MYO16: variants seen among roughly 807,000 people sequenced by gnomAD.
MYO16 encodes unconventional myosin-XVI.
MYO16 carries 94 observed loss-of-function variants against 205.3 expected under a neutral mutation model. The ratio of observed to expected loss-of-function variants is 0.46; its 90% CI spans 0.39 to 0.54. MYO16 has a LOEUF of 0.54. MYO16 is among the 20% of genes least tolerant of loss of function. MYO16 has a pLI of 0.00. For missense variants in MYO16, 2,315 were observed against 2,387.5 expected, an observed-to-expected ratio of 0.97 and a Z score of 0.63; for synonymous variants, 988 against 954.0, an observed-to-expected ratio of 1.04 and a Z score of -0.66.
At chr13:109,021,581 TGTGG>T (rs1886023468) in intron 23 of MYO16, among the ~76,000 whole-genome samples, 1 of 152,198 alleles carries the variant, frequency 6.6e-6, no homozygotes, top group Admixed American at 6.5e-5. Context: ...TGCAAGGATA[TGTGG>T]AAGGCAGGCT....
chr13:108,949,684 T>G (rs755628021), intron 16 of MYO16, among the ~76,000 whole-genome samples: 1 of 152,144 alleles, frequency 6.6e-6, no homozygotes. Context: ...CTAAAATTTG[T>G]ATGTAAAGGC....
intron 22 of MYO16, among the ~76,000 whole-genome samples, chr13:109,013,640 T>A (rs1279107472): frequency 6.6e-6 from 1 of 152,194 alleles, no homozygotes; most frequent in African/African-American, 2.4e-5. Flanking sequence ...GTTTCCTGAC[T>A]TTTTAATGAT....
At chr13:108,573,391 G>T in the MYO16 span, among the ~76,000 whole-genome samples, 1 of 152,108 alleles carries the variant, frequency 6.6e-6, no homozygotes, top group Admixed American at 6.6e-5. Flanking sequence ...AAAAATGTAG[G>T]ACTTTTAAAA....
chr13:109,081,888 T>C (rs1331358295), intron 27 of MYO16, among the ~76,000 whole-genome samples: 2 of 152,218 alleles, frequency 1.3e-5, no homozygotes, highest in African/African-American at 2.4e-5. Context: ...TTAAGCTAGA[T>C]CAGGGGTTGG....
intron 9 of MYO16, among the ~76,000 whole-genome samples, chr13:108,838,696 C>T (rs865858188): frequency 1.9e-4 from 27 of 145,040 alleles, no homozygotes; most frequent in South Asian, 4.4e-4. Flanking sequence ...TATATACACA[C>T]ACACACACAC....
chr13:108,553,005 CTTTTTTTTTTTT>C, the MYO16 span, among the ~76,000 whole-genome samples: 39 of 64,908 alleles, frequency 6.0e-4, no homozygotes, highest in African/African-American at 1.8e-3. Flanking sequence ...CTTTAATACT[CTTTTTTTTTTTT>C]TTTTTTTTTT....
chr13:108,586,369 C>A, the MYO16 span, among the ~76,000 whole-genome samples: 1 of 151,798 alleles, frequency 6.6e-6, no homozygotes, highest in East Asian at 1.9e-4. Flanking sequence ...TTTTTCAGAA[C>A]CTTCCCTCAT....
Position 108,921,722 on chromosome 13 carries a change from T to C in MYO16, c.1925+11572T>C, listed in dbSNP as rs1197248206. On this transcript the variant is annotated intron_variant, in intron 16 of 34. Transcript: ENST00000457511. Reference sequence around the variant, plus strand: ...CAATTTGTGAGTATTCATTGATAACTATGCTTGAACTGTTAAAAGCAGCAG... The same window carrying C: ...CAATTTGTGAGTATTCATTGATAACCATGCTTGAACTGTTAAAAGCAGCAG... 5.3e-5 allele frequency among the ~76,000 whole-genome samples: 8 copies of C among 152,346 alleles called. No individual in the cohort carries two copies. In the East Asian group the frequency reaches 9.6e-4, roughly 18 times the overall value.
chr13:108,966,290 A>G (rs1272764084), intron 20 of MYO16, among the ~76,000 whole-genome samples: 1 of 152,232 alleles, frequency 6.6e-6, no homozygotes, highest in Non-Finnish European at 1.5e-5. Flanking sequence ...AAATCTACCA[A>G]ATTAGCTATG....
intron 27 of MYO16, among the ~76,000 whole-genome samples, chr13:109,082,655 C>A (rs1888316334): frequency 6.6e-6 from 1 of 152,006 alleles, no homozygotes; most frequent in South Asian, 2.1e-4. Flanking sequence ...GCCAACATGG[C>A]AAAACCCCGT....
chr13:109,120,583 G>A (rs1231545796), intron 29 of MYO16, 117 bp downstream of exon 29: 8 of 618,750 alleles, frequency 1.3e-5, no homozygotes, highest in East Asian at 6.2e-5. Context: ...CCACTCTCTC[G>A]ATTCCTGGAT....
At chr13:108,505,085 T>C in the MYO16 span, among the ~76,000 whole-genome samples, 2 of 152,376 alleles carry the variant, frequency 1.3e-5, no homozygotes, top group Admixed American at 1.3e-4. Flanking sequence ...TGCTTTCATC[T>C]TGGCTTTTGT....
chr13:108,945,451 CAAT>C (rs1475416645), intron 16 of MYO16, among the ~76,000 whole-genome samples: 1 of 152,098 alleles, frequency 6.6e-6, no homozygotes, highest in East Asian at 1.9e-4. Flanking sequence ...GTAATCACAA[CAAT>C]GGTTCTGAAA....
At chr13:108,932,931 C>T (rs1882323471) in intron 16 of MYO16, among the ~76,000 whole-genome samples, 1 of 152,124 alleles carries the variant, frequency 6.6e-6, no homozygotes, top group African/African-American at 2.4e-5. Context: ...TCCTTTTGAG[C>T]TGACAATATC....
At chr13:109,161,585 G>A (rs1442892256) in intron 32 of MYO16, among the ~76,000 whole-genome samples, 1 of 152,154 alleles carries the variant, frequency 6.6e-6, no homozygotes, top group African/African-American at 2.4e-5. Flanking sequence ...GGTAACTATT[G>A]TAAGAGCAAT....
At chr13:108,835,273 T>G (rs1484167173) in intron 9 of MYO16, among the ~76,000 whole-genome samples, 1 of 152,142 alleles carries the variant, frequency 6.6e-6, no homozygotes, top group Non-Finnish European at 1.5e-5. Flanking sequence ...TCTCACAAGA[T>G]CTGATGGTTT....
At chr13:108,861,965 T>G (rs1331808929) in intron 11 of MYO16, among the ~76,000 whole-genome samples, 1 of 152,210 alleles carries the variant, frequency 6.6e-6, no homozygotes, top group Non-Finnish European at 1.5e-5. Context: ...GGGTTCATAC[T>G]TTTTGTGACC....
intron 33 of MYO16, among the ~76,000 whole-genome samples, chr13:109,177,976 C>T (rs1470447432): frequency 6.6e-6 from 1 of 152,206 alleles, no homozygotes; most frequent in Non-Finnish European, 1.5e-5. Context: ...TTCCTCCCAG[C>T]ACCCCATCCT....
intron 32 of MYO16, among the ~76,000 whole-genome samples, chr13:109,142,660 T>C (rs965920596): frequency 6.6e-6 from 1 of 152,116 alleles, no homozygotes; most frequent in African/African-American, 2.4e-5. Flanking sequence ...TAGCCTCTGT[T>C]CCATTGCTTT....
Sources: gnomAD v4.1 joint callset for allele counts (sites outside exome capture counted in the v4.1 genomes callset) on GRCh38, gnomAD v4.1.1 for gene constraint, MANE v1.5 for transcripts, NCBI Gene and HGNC (gene_info 2026-07-23, HGNC 2026-07-21) for gene names.